ARMH3: variants seen among roughly 807,000 people sequenced by gnomAD.
ARMH3 encodes the protein armadillo-like helical domain-containing protein 3.
In ARMH3, 60 loss-of-function variants were observed where a neutral mutation model predicts 99.1. The ratio of observed to expected loss-of-function variants is 0.61; its 90% CI spans 0.49 to 0.75. The LOEUF (loss-of-function observed/expected upper bound fraction) is 0.75, where lower values mean the gene tolerates loss of function less well. Among genes scored for constraint, ARMH3 ranks in the 30% least tolerant of loss-of-function variants. The pLI is 0.00. For synonymous variants in ARMH3, 285 were observed against 292.8 expected, an observed-to-expected ratio of 0.97 and a Z score of 0.27; for missense variants, 679 against 843.1, an observed-to-expected ratio of 0.81 and a Z score of 2.41.
chr10:101,939,262 T>C (rs929466935), intron 23 of ARMH3, among the ~76,000 whole-genome samples: 1 of 152,296 alleles, frequency 6.6e-6, no homozygotes, highest in East Asian at 1.9e-4. Context: ...GAATTTAGGT[T>C]TCCCAATGGT....
At chr10:101,945,753 A>G (rs1051579019) in intron 22 of ARMH3, among the ~76,000 whole-genome samples, 7 of 151,522 alleles carry the variant, frequency 4.6e-5, no homozygotes, top group Non-Finnish European at 7.4e-5. Flanking sequence ...GAAGATTATA[A>G]CCAATCTCTG....
intron 1 of ARMH3, among the ~76,000 whole-genome samples, chr10:102,046,164 A>C (rs1366651073): frequency 6.6e-6 from 1 of 152,058 alleles, no homozygotes; most frequent in Non-Finnish European, 1.5e-5. Flanking sequence ...CACTGTTCTA[A>C]GCACTTTATA....
At chr10:101,885,917 C>T (rs1387812191) in intron 24 of ARMH3, among the ~76,000 whole-genome samples, 1 of 151,754 alleles carries the variant, frequency 6.6e-6, no homozygotes, top group Non-Finnish European at 1.5e-5. Context: ...ATTAGCTGAG[C>T]GTGGTGGTGG....
At position 101,847,315 on chromosome 10, in the gene ARMH3, G is replaced by A. The variant is rs968823290; in HGVS notation, c.*213C>T. The stretch of plus-strand genomic sequence containing the variant: ...ACATTCCTGGAGGCCTCTCCCCACT[G>A]TGCCCACCCATTCCTCCCCAAATAA... On this transcript the variant is annotated 3_prime_UTR_variant, in exon 26 of 26. Coordinates refer to ENST00000370033, the MANE Select transcript of ARMH3 (RefSeq NM_024541.3). The A allele has an allele frequency of 5.7e-6, 3 of 529,182 alleles. No homozygotes were observed. The highest frequency in any genetic ancestry group is 2.1e-5 in the South Asian group (1 of 46,904). 32.8% of individuals were successfully genotyped at this position (529,182 alleles called of 1,614,324 possible). A position where few individuals can be genotyped will look rare whatever the true frequency, so the allele number is the denominator to read the frequency against.
chr10:101,994,886 A>G (rs1846982922), intron 16 of ARMH3, among the ~76,000 whole-genome samples: 1 of 152,152 alleles, frequency 6.6e-6, no homozygotes, highest in Non-Finnish European at 1.5e-5. Context: ...AAATTACAAA[A>G]ATTAGCCGGG....
chr10:101,854,652 G>A (rs2066689087), intron 24 of ARMH3, among the ~76,000 whole-genome samples: 1 of 152,164 alleles, frequency 6.6e-6, no homozygotes, highest in African/African-American at 2.4e-5. Context: ...GAAGCCTCTG[G>A]AGGTAAGGGG....
intron 15 of ARMH3, among the ~76,000 whole-genome samples, chr10:101,997,076 C>T (rs1847093657): frequency 6.6e-6 from 1 of 151,810 alleles, no homozygotes; most frequent in African/African-American, 2.4e-5. Context: ...ACAAGCTTGG[C>T]CAACATGGTG....
intron 15 of ARMH3, among the ~76,000 whole-genome samples, chr10:101,999,080 T>G (rs544260179): frequency 1.2e-4 from 19 of 152,330 alleles, no homozygotes; most frequent in South Asian, 1.2e-3. Context: ...TAAGAGTGAT[T>G]AACTCTGGAG....
At chr10:101,951,661 G>A (rs1294200208) in intron 22 of ARMH3, among the ~76,000 whole-genome samples, 1 of 152,092 alleles carries the variant, frequency 6.6e-6, no homozygotes, top group Non-Finnish European at 1.5e-5. Context: ...GAGGTTGGGA[G>A]TTCAAGACCA....
rs116100688 is a variant in ARMH3, at chr10:101,947,911, A to G, written c.1706-7973T>C. Among the ~76,000 whole-genome samples, 1,421 of 152,238 alleles carry G rather than the reference A, an allele frequency of 9.3e-3. 18 individuals carry two copies. The highest frequency in any genetic ancestry group is 0.032 in the African/African-American group (1,349 of 41,568). ...CCTGACTTTAGACTGCAAAAGGTAC[A>G]TACAATGTAATCTTAGAGTAACTGC... On this transcript the variant is annotated intron_variant, in intron 22 of 25. Coordinates refer to ENST00000370033, the MANE Select transcript of ARMH3 (RefSeq NM_024541.3).
At chr10:102,043,198 A>G (rs1400319196) in intron 1 of ARMH3, among the ~76,000 whole-genome samples, 1 of 152,170 alleles carries the variant, frequency 6.6e-6, no homozygotes, top group Non-Finnish European at 1.5e-5. Context: ...TTCCCAGAGG[A>G]GAGAACCACC....
chr10:101,847,716 G>A (rs920197066), intron 25 of ARMH3, 96 bp from the exon 26 acceptor site: 85 of 1,076,302 alleles, frequency 7.9e-5, no homozygotes, highest in Admixed American at 5.0e-4. Context: ...CCTGCTACAC[G>A]GGGCACTAGA....
chr10:101,879,366 T>C (rs149671562), intron 24 of ARMH3, among the ~76,000 whole-genome samples: 364 of 152,190 alleles, frequency 2.4e-3, no homozygotes, highest in African/African-American at 6.2e-3. Flanking sequence ...TTTTTTTTTT[T>C]TTTTTTAAGT....
At position 102,009,969 on chromosome 10, in the gene ARMH3, G is replaced by A; in HGVS notation, c.878+8C>T. The A allele has an allele frequency of 6.2e-7, 1 of 1,613,064 alleles. No homozygotes were observed. The highest frequency in any genetic ancestry group is 8.5e-7 in the Non-Finnish European group (1 of 1,179,154). ...CCAAGTCACTGCACAAGAATGTCAG[G>A]CACTTACTGTACTGAGATTTTCTCA... On this transcript the variant is annotated splice_region_variant and intron_variant, in intron 12 of 25. Coordinates refer to ENST00000370033, the MANE Select transcript of ARMH3 (RefSeq NM_024541.3).
chr10:101,861,877 CAAA>C (rs36095929), intron 24 of ARMH3, among the ~76,000 whole-genome samples: 13 of 93,996 alleles, frequency 1.4e-4, no homozygotes, highest in South Asian at 3.6e-4. Flanking sequence ...CTAAAAATAC[CAAA>C]AAAAAAAAAA....
intron 8 of ARMH3, among the ~76,000 whole-genome samples, chr10:102,016,731 G>A (rs542396146): frequency 1.3e-5 from 2 of 152,238 alleles, no homozygotes; most frequent in Non-Finnish European, 1.5e-5. Context: ...TGTTGTACTG[G>A]TCACTTTTTA....
chr10:101,881,446 A>C (rs1229269326), intron 24 of ARMH3, among the ~76,000 whole-genome samples: 1 of 152,206 alleles, frequency 6.6e-6, no homozygotes, highest in East Asian at 1.9e-4. Context: ...TCAATTCTGC[A>C]AGATGAAAAA....
chr10:102,022,377 A>G lies in ARMH3; in HGVS notation c.669+1100T>C, dbSNP rs1016735781. Among the ~76,000 whole-genome samples, 4 of 150,664 alleles carry G rather than the reference A, an allele frequency of 2.7e-5. No homozygotes were observed. The South Asian group carries it at 8.5e-4, about 32-fold the overall frequency. ...CGTGGTGGTGGGCGCCTGTAGTCCCAGCTACTGGGGAGGCTGAGGCAAAAG... is the reference window on the plus strand; with the variant it reads ...CGTGGTGGTGGGCGCCTGTAGTCCCGGCTACTGGGGAGGCTGAGGCAAAAG... On this transcript the variant is annotated intron_variant, in intron 8 of 25. Transcript: ENST00000370033.
intron 17 of ARMH3, 136 bp from the exon 18 acceptor site, chr10:101,992,174 G>A: frequency 7.8e-6 from 6 of 772,128 alleles, no homozygotes; most frequent in South Asian, 6.4e-5. Context: ...TTCACATGGT[G>A]GGAGAGGAAT....
Sources: allele counts gnomAD v4.1 joint callset (sites outside exome capture counted in the v4.1 genomes callset), GRCh38; gene constraint gnomAD v4.1.1; transcripts MANE v1.5; gene names NCBI Gene and HGNC (gene_info 2026-07-23, HGNC 2026-07-21).